The following C3orf85 variants were observed in gnomAD, a reference collection of about 807,000 sequenced individuals.
The protein encoded by C3orf85 is chromosome 3 open reading frame 85.
Under a neutral mutation model 1.7 loss-of-function variants are expected in C3orf85, and 1 was observed. That is an observed-to-expected ratio of 0.60 (90% confidence interval 0.21 to 2.86). The LOEUF is 2.86. Among genes scored for constraint, C3orf85 ranks in the 30% most tolerant of loss-of-function variants. The probability of loss-of-function intolerance (pLI) is 0.22; values close to 1 mark genes in which losing one functional copy is unlikely to be tolerated. For synonymous variants in C3orf85, 17 were observed against 8.0 expected (o/e 2.13, Z -1.90); for missense variants, 29 against 21.3 (o/e 1.36, Z -0.72).
chr3:109,148,741 G>C, intron 3 of C3orf85: 1 of 214,974 alleles, frequency 4.7e-6, no homozygotes, highest in Non-Finnish European at 9.3e-6. Flanking sequence ...TATAAAGGTA[G>C]GGTCTGTATC....
chr3:109,149,241 A>G (rs1706838167), intron 3 of C3orf85: 2 of 152,156 alleles, frequency 1.3e-5, no homozygotes, highest in Admixed American at 1.3e-4. Flanking sequence ...AGGATTGTAT[A>G]AAGTCATAAA....
At position 109,137,005 on chromosome 3, in the gene C3orf85, A is replaced by G. The variant is rs994258293; in HGVS notation, c.49+109A>G. ...CAAACACGTTTTTATCCATAGGCCT[A>G]TTCTATAGCACTGGGGAAACCAAAC... is the stretch of plus-strand genomic sequence containing the variant. On this transcript the variant is annotated intron_variant, in intron 2 of 3. Transcript: ENST00000622536. The G allele has an allele frequency of 9.1e-5, 36 of 394,316 alleles. No homozygotes were observed. The Middle Eastern group carries it at 2.2e-3, about 24-fold the overall frequency. The allele number at this position is 394,316 out of a possible 1,614,324, so 24.4% of individuals were successfully genotyped here.
At chr3:109,137,447 C>G (rs552562306) in intron 2 of C3orf85, among the ~76,000 whole-genome samples, 17 of 151,612 alleles carry the variant, frequency 1.1e-4, no homozygotes, top group South Asian at 2.1e-4. Context: ...ACTGAAAACA[C>G]TTACAAAGAT....
intron 2 of C3orf85, among the ~76,000 whole-genome samples, chr3:109,147,741 G>A (rs994881114): frequency 1.3e-5 from 2 of 152,144 alleles, no homozygotes; most frequent in Admixed American, 6.5e-5. Context: ...AGGTTTGGGA[G>A]CAGCATAGTT....
intron 2 of C3orf85, among the ~76,000 whole-genome samples, chr3:109,142,414 C>T (rs896684919): frequency 2.0e-5 from 3 of 152,136 alleles, no homozygotes; most frequent in South Asian, 2.1e-4. Flanking sequence ...CCATCCCATA[C>T]GTAAATATCT....
intron 2 of C3orf85, 58 bp downstream of exon 2, chr3:109,136,954 T>A (rs1356072): frequency 0.83 from 334,159 of 402,396 alleles, 140,043 homozygotes; most frequent in East Asian, 0.96. Flanking sequence ...GGTTGATAAT[T>A]CCTTTTGTCT....
At chr3:109,147,534 T>G (rs995227871) in intron 2 of C3orf85, among the ~76,000 whole-genome samples, 5 of 152,224 alleles carry the variant, frequency 3.3e-5, no homozygotes, top group African/African-American at 4.8e-5. Flanking sequence ...TGAACGCAAT[T>G]GTGTTTTACT....
At chr3:109,146,457 T>C (rs1706800395) in intron 2 of C3orf85, 1 of 152,228 alleles carries the variant, frequency 6.6e-6, no homozygotes, top group Non-Finnish European at 1.5e-5. Context: ...GGGTCATGAA[T>C]TTGGGAGTGG....
Position 109,142,487 on chromosome 3 carries a change from C to T in C3orf85, c.49+5591C>T, listed in dbSNP as rs528435456. 2.0e-5 allele frequency among the ~76,000 whole-genome samples: 3 copies of T among 152,228 alleles called. No homozygotes were observed. The South Asian group carries it at 6.2e-4, about 32-fold the overall frequency. ...CTCTAGTAGCAGGTATCAGGTAATA[C>T]CCCAGATATCAGTATTACCTAGACC... On this transcript the variant is annotated intron_variant, in intron 2 of 3. Transcript: ENST00000622536.
chr3:109,145,974 A>G (rs1480483432), intron 2 of C3orf85, among the ~76,000 whole-genome samples: 1 of 152,190 alleles, frequency 6.6e-6, no homozygotes, highest in Non-Finnish European at 1.5e-5. Flanking sequence ...AAGTGTAACA[A>G]ATCTTTGAAG....
intron 2 of C3orf85, among the ~76,000 whole-genome samples, chr3:109,147,523 C>A (rs1191922988): frequency 6.6e-6 from 1 of 152,122 alleles, no homozygotes; most frequent in Admixed American, 6.5e-5. Flanking sequence ...CGTTATAATT[C>A]TGAACGCAAT....
intron 2 of C3orf85, among the ~76,000 whole-genome samples, chr3:109,147,870 T>C (rs1356951506): frequency 6.6e-6 from 1 of 152,166 alleles, no homozygotes. Context: ...ACAGCAAGTG[T>C]GTGTGCATTA....
chr3:109,143,602 A>G (rs1031295745), intron 2 of C3orf85, among the ~76,000 whole-genome samples: 1 of 152,210 alleles, frequency 6.6e-6, no homozygotes, highest in African/African-American at 2.4e-5. Flanking sequence ...CCCACTAAGC[A>G]TATTCTCTGT....
intron 2 of C3orf85, among the ~76,000 whole-genome samples, chr3:109,141,290 T>A (rs993640524): frequency 1.3e-5 from 2 of 152,122 alleles, no homozygotes; most frequent in Non-Finnish European, 2.9e-5. Flanking sequence ...CCTCGGCCCC[T>A]GTTAGACCTC....
At chr3:109,137,637 G>GTGTGTGTATA (rs751674362) in intron 2 of C3orf85, among the ~76,000 whole-genome samples, 59 of 79,904 alleles carry the variant, frequency 7.4e-4, no homozygotes, top group Admixed American at 2.2e-3. Flanking sequence ...GTGTGTGTGT[G>GTGTGTGTATA]TATATATATA....
chr3:109,148,598 A>G (rs1049736904), intron 3 of C3orf85: 28 of 499,300 alleles, frequency 5.6e-5, no homozygotes, highest in African/African-American at 5.5e-4. Flanking sequence ...GTCCCTCTGA[A>G]GCCTTTCCCT....
intron 2 of C3orf85, among the ~76,000 whole-genome samples, chr3:109,143,634 T>G (rs1706764690): frequency 6.6e-6 from 1 of 152,226 alleles, no homozygotes; most frequent in South Asian, 2.1e-4. Context: ...CACGATACCA[T>G]GCATAGAAAG....
chr3:109,148,642 C>A (rs1400386361), intron 3 of C3orf85: 1 of 422,642 alleles, frequency 2.4e-6, no homozygotes, highest in Non-Finnish European at 4.3e-6. Flanking sequence ...TTCCTTCTCT[C>A]CCTTTTTGCA....
intron 2 of C3orf85, among the ~76,000 whole-genome samples, chr3:109,138,808 C>G (rs1706707521): frequency 6.6e-6 from 1 of 151,954 alleles, no homozygotes; most frequent in Admixed American, 6.6e-5. Context: ...ATTCTCTAGT[C>G]AGAGAATTAG....
Sources: allele counts gnomAD v4.1 joint callset (sites outside exome capture counted in the v4.1 genomes callset), GRCh38; gene constraint gnomAD v4.1.1; transcripts MANE v1.5; gene names NCBI Gene and HGNC (gene_info 2026-07-23, HGNC 2026-07-21).